Variants in NOS2 observed in about 807,000 individuals in gnomAD.
The protein encoded by NOS2 is nitric oxide synthase, inducible.
Under a neutral mutation model 136.0 loss-of-function variants are expected in NOS2, and 96 were observed. The observed-to-expected ratio is 0.71, with a 90% CI of 0.60 to 0.84. NOS2 has a LOEUF of 0.84. Among genes scored for constraint, NOS2 ranks in the 40% least tolerant of loss-of-function variants. NOS2 has a pLI of 0.00. For synonymous variants in NOS2, 539 were observed against 587.5 expected, an observed-to-expected ratio of 0.92 and a Z score of 1.20; for missense variants, 1,237 against 1,496.9, an observed-to-expected ratio of 0.83 and a Z score of 2.87.
At chr17:27,779,638 T>G (rs1416176140) in intron 9 of NOS2, among the ~76,000 whole-genome samples, 1 of 152,206 alleles carries the variant, frequency 6.6e-6, no homozygotes, top group Non-Finnish European at 1.5e-5. Context: ...CATTCATTCA[T>G]GCAAACCTAT....
At chr17:27,773,354 A>G (rs543550826) in intron 12 of NOS2, 111 bp from the exon 13 acceptor site, 164 of 756,432 alleles carry the variant, frequency 2.2e-4, no homozygotes, top group Non-Finnish European at 3.5e-4. Context: ...CTGGGAGAGA[A>G]GGCTGGCCTG....
At chr17:27,760,846 G>C in intron 23 of NOS2, 102 bp from the exon 24 acceptor site, 1 of 1,406,604 alleles carries the variant, frequency 7.1e-7, no homozygotes, top group South Asian at 1.5e-5. Flanking sequence ...GGTCGTGAGG[G>C]GGTGGAGAGG....
At chr17:27,779,670 A>G (rs983120218) in intron 9 of NOS2, among the ~76,000 whole-genome samples, 7 of 152,192 alleles carry the variant, frequency 4.6e-5, no homozygotes, top group Admixed American at 1.3e-4. Context: ...AGTATGTGCC[A>G]GGCTCTGTGC....
chr17:27,798,588 TCAGA>T, intron 2 of NOS2, 108 bp downstream of exon 2: 2 of 713,160 alleles, frequency 2.8e-6, no homozygotes. Flanking sequence ...AATGAGGAGA[TCAGA>T]CCTCAGGTGA....
In NOS2 at chr17:27,781,072, G is replaced by T; in HGVS notation, c.828C>A (p.Ser276Arg). 6.2e-7 allele frequency: 1 copy of T among 1,613,852 alleles called. No homozygotes were observed. Among genetic ancestry groups the T allele is most frequent in the Middle Eastern group, 1.6e-4 (1 of 6,062 alleles). ...RYAGYQMPDG[S>R]IRGDPANVEF... Reference sequence around the variant, plus strand: ...CCACGTTGGCAGGGTCCCCTCTGATGCTGCCATCTGGCATCTGGTAGCCAG... The same window carrying T: ...CCACGTTGGCAGGGTCCCCTCTGATTCTGCCATCTGGCATCTGGTAGCCAG... The change falls in exon 8 of 27, where the codon AGC becomes AGA. Residue 276 changes from serine (S) to arginine (R), a missense_variant. Transcript: ENST00000313735.
At chr17:27,790,167 C>A (rs1274956013) in intron 2 of NOS2, among the ~76,000 whole-genome samples, 1 of 152,232 alleles carries the variant, frequency 6.6e-6, no homozygotes, top group Non-Finnish European at 1.5e-5. Flanking sequence ...GATCTCAGCT[C>A]TCTGCAACCT....
At chr17:27,758,199 T>C (rs922365873) in intron 26 of NOS2, among the ~76,000 whole-genome samples, 3 of 152,190 alleles carry the variant, frequency 2.0e-5, no homozygotes, top group African/African-American at 4.8e-5. Flanking sequence ...GTTGAACGTA[T>C]GAATGTGTCT....
chr17:27,766,718 T>A, intron 18 of NOS2, 130 bp from the exon 19 acceptor site: 1 of 704,628 alleles, frequency 1.4e-6, no homozygotes, highest in Non-Finnish European at 2.5e-6. Flanking sequence ...GGCCGTTGGG[T>A]TTTTCTTTTT....
At chr17:27,797,911 C>G (rs1188137897) in intron 2 of NOS2, among the ~76,000 whole-genome samples, 1 of 152,096 alleles carries the variant, frequency 6.6e-6, no homozygotes, top group Non-Finnish European at 1.5e-5. Context: ...AGTCATAATC[C>G]TATTAGAGCT....
intron 5 of NOS2, among the ~76,000 whole-genome samples, chr17:27,783,676 A>G (rs1908921876): frequency 6.6e-6 from 1 of 152,072 alleles, no homozygotes; most frequent in Admixed American, 6.6e-5. Flanking sequence ...TCTGGGAGGG[A>G]GGTATTTTTG....
chr17:27,765,961 C>A (rs1203583235), intron 19 of NOS2, among the ~76,000 whole-genome samples: 1 of 152,244 alleles, frequency 6.6e-6, no homozygotes, highest in African/African-American at 2.4e-5. Context: ...TTGGAGCCCC[C>A]CGAGGGCTTG....
intron 2 of NOS2, among the ~76,000 whole-genome samples, chr17:27,795,414 G>A (rs954512308): frequency 2.6e-5 from 4 of 152,192 alleles, no homozygotes; most frequent in Admixed American, 1.3e-4. Context: ...CCTTATAAAT[G>A]TTATCTATTG....
At position 27,765,537 on chromosome 17, in the gene NOS2, C is replaced by T. The variant is rs770993464; in HGVS notation, c.2426G>A (p.Ser809Asn). The change falls in exon 20 of 27, where the codon AGT (serine) becomes AAT (asparagine). Residue 809 changes from serine to asparagine, a missense_variant and splice_region_variant. This residue lies in a region of NOS2 where 782 missense variants were observed against 909.9 expected (regional missense o/e 0.86). Transcript: ENST00000313735. Reference sequence around the variant, plus strand: ...TGGCTTTCTAGCCCGGGGCTCACCACTCTCATCCAGGGCCTCCAGGCGCAC... The same window carrying T: ...TGGCTTTCTAGCCCGGGGCTCACCATTCTCATCCAGGGCCTCCAGGCGCAC... ...QTVRLEALDE[S>N]GSYWVSDKRL... 1.9e-6 allele frequency: 3 copies of T among 1,596,828 alleles called. No homozygotes were observed. Among genetic ancestry groups the T allele is most frequent in the Non-Finnish European group, 2.6e-6 (3 of 1,172,856 alleles).
chr17:27,772,211 C>T, intron 14 of NOS2, 97 bp downstream of exon 14: 16 of 1,370,210 alleles, frequency 1.2e-5, no homozygotes, highest in Non-Finnish European at 1.6e-5. Context: ...ACATCCAAGA[C>T]TCTGAGACAT....
chr17:27,772,306 A>C lies in NOS2; in HGVS notation c.1704+2T>G. 6.2e-7 allele frequency: 1 copy of C among 1,614,130 alleles called. No individual in the cohort carries two copies. Among genetic ancestry groups the C allele is most frequent in the South Asian group, 1.1e-5 (1 of 91,088 alleles). ...ACAACAGCCATCCCACTGAGCCAGT[A>C]CCTTGGGGTTGAAGGCACAGCTGAA... is the stretch of plus-strand genomic sequence containing the variant. On this transcript the variant is annotated splice_donor_variant, in intron 14 of 26. Coordinates refer to ENST00000313735, the MANE Select transcript of NOS2 (RefSeq NM_000625.4). LOFTEE classifies it high-confidence loss of function.
intron 20 of NOS2, among the ~76,000 whole-genome samples, chr17:27,765,011 C>T (rs944722): frequency 0.68 from 102,590 of 151,946 alleles, 35,158 homozygotes; most frequent in South Asian, 0.83. Flanking sequence ...GAGATGGAGT[C>T]TCTGTCACCC....
At chr17:27,778,393 G>T (rs1597552416) in intron 11 of NOS2, among the ~76,000 whole-genome samples, 1 of 152,154 alleles carries the variant, frequency 6.6e-6, no homozygotes, top group Non-Finnish European at 1.5e-5. Flanking sequence ...CTTTGAAATG[G>T]GGCTAAGAGA....
chr17:27,783,628 C>CACTG (rs1329945104), intron 5 of NOS2, among the ~76,000 whole-genome samples: 2 of 152,194 alleles, frequency 1.3e-5, no homozygotes, highest in Non-Finnish European at 2.9e-5. Context: ...ATGAGCCAGG[C>CACTG]ACTGGGTGAA....
intron 22 of NOS2, 44 bp downstream of exon 22, chr17:27,762,754 A>G: frequency 7.4e-7 from 1 of 1,358,858 alleles, no homozygotes; most frequent in South Asian, 1.3e-5. Flanking sequence ...ATGTCCAATA[A>G]TGGGCGGAGC....
Sources: allele counts gnomAD v4.1 joint callset (sites outside exome capture counted in the v4.1 genomes callset), GRCh38; gene constraint gnomAD v4.1.1; regional missense constraint gnomAD v4.1.1; transcripts MANE v1.5; gene names NCBI Gene and HGNC (gene_info 2026-07-23, HGNC 2026-07-21).